Variants in KDM4C observed in about 807,000 individuals in gnomAD.
KDM4C encodes lysine demethylase 4C, also known as lysine-specific demethylase 4C.
In KDM4C, 81 loss-of-function variants were observed where a neutral mutation model predicts 129.3. The observed-to-expected ratio is 0.63, with a 90% CI of 0.52 to 0.75. The LOEUF is 0.75. Ranked by LOEUF, KDM4C falls within the 30% of genes least tolerant of loss-of-function variation. KDM4C has a pLI of 0.00. For missense variants in KDM4C, 1,457 were observed against 1,304.0 expected, an observed-to-expected ratio of 1.12 and a Z score of -1.81; for synonymous variants, 573 against 456.1, an observed-to-expected ratio of 1.26 and a Z score of -3.26.
chr9:6,766,673 C>G (rs1272612604), intron 1 of KDM4C, among the ~76,000 whole-genome samples: 2 of 151,938 alleles, frequency 1.3e-5, no homozygotes, highest in South Asian at 2.1e-4. Flanking sequence ...AGGGCTCTTT[C>G]TAGAAAGTCT....
chr9:6,904,460 C>T lies in KDM4C; in HGVS notation c.921+11228C>T, dbSNP rs1052185146. Among the ~76,000 whole-genome samples, 3 of 147,750 alleles carry T rather than the reference C, an allele frequency of 2.0e-5. No individual in the cohort carries two copies. In the East Asian group the frequency reaches 6.1e-4, roughly 30 times the overall value. On this transcript the variant is annotated intron_variant, in intron 8 of 21. Transcript: ENST00000381309. ...AGAACCACAGTAGTACATAAGAGTT[C>T]ATTGCACAGATCTTGTTAACAAATC...
intron 17 of KDM4C, among the ~76,000 whole-genome samples, chr9:7,073,477 C>G (rs3898793): frequency 0.14 from 21,628 of 152,212 alleles, 1,882 homozygotes; most frequent in East Asian, 0.24. Context: ...TCCCACTAAG[C>G]TATACTCACC....
intron 8 of KDM4C, among the ~76,000 whole-genome samples, chr9:6,899,797 G>A (rs941949930): frequency 2.6e-5 from 4 of 152,128 alleles, no homozygotes; most frequent in Admixed American, 6.5e-5. Flanking sequence ...TCTGGAGCTA[G>A]GGAGCCTGAT....
At chr9:7,008,494 G>C (rs10975969) in intron 12 of KDM4C, among the ~76,000 whole-genome samples, 41 of 152,256 alleles carry the variant, frequency 2.7e-4, no homozygotes, top group Non-Finnish European at 5.4e-4. Context: ...CTGGTCCCCT[G>C]GTCTAGGATG....
At chr9:7,154,763 A>G (rs1214466561) in intron 19 of KDM4C, among the ~76,000 whole-genome samples, 1 of 152,150 alleles carries the variant, frequency 6.6e-6, no homozygotes, top group Non-Finnish European at 1.5e-5. Context: ...TTTAATTTTC[A>G]CATCATCTAT....
intron 8 of KDM4C, among the ~76,000 whole-genome samples, chr9:6,973,583 C>G (rs984013011): frequency 6.6e-6 from 1 of 152,140 alleles, no homozygotes; most frequent in Non-Finnish European, 1.5e-5. Flanking sequence ...TGACATATAG[C>G]ATTTAAAAAT....
intron 21 of KDM4C, chr9:7,170,209 A>C: frequency 8.2e-7 from 1 of 1,212,322 alleles, no homozygotes; most frequent in Non-Finnish European, 1.0e-6. Context: ...GATACCATCA[A>C]GGCATTTGCA....
At chr9:6,852,755 A>T (rs543713166) in intron 5 of KDM4C, among the ~76,000 whole-genome samples, 1 of 152,230 alleles carries the variant, frequency 6.6e-6, no homozygotes, top group South Asian at 2.1e-4. Flanking sequence ...ACCTCCAGGT[A>T]CCAGGCTCTG....
intron 4 of KDM4C, among the ~76,000 whole-genome samples, chr9:6,827,514 T>C (rs1834092211): frequency 6.6e-6 from 1 of 152,204 alleles, no homozygotes; most frequent in African/African-American, 2.4e-5. Flanking sequence ...TCTCCCTCAA[T>C]GGGGTAGCTT....
chr9:7,020,819 A>G (rs1824677624), intron 15 of KDM4C, among the ~76,000 whole-genome samples: 1 of 152,128 alleles, frequency 6.6e-6, no homozygotes, highest in Non-Finnish European at 1.5e-5. Flanking sequence ...CAAACAATCC[A>G]GTTATACTCA....
In KDM4C at chr9:7,076,580, A is replaced by G. The variant is rs534065058; in HGVS notation, c.2425-27105A>G. ...TTTCTCATTCTCCATGGGAGCAGCC[A>G]GCATCGTGTTTAGGATGGGGATACA... On this transcript the variant is annotated intron_variant, in intron 17 of 21. Transcript: ENST00000381309. 47 of 1,503,346 alleles carry G rather than the reference A, an allele frequency of 3.1e-5. No individual in the cohort carries two copies. The East Asian group carries it at 4.0e-4, about 13-fold the overall frequency. The allele number at this position is 1,503,346 out of a possible 1,614,324, so 93.1% of individuals were successfully genotyped here.
Position 6,747,539 on chromosome 9 carries a change from C to CAAAAAAAAAAAAAAAAAAA in KDM4C, c.49+26544_49+26562dup, listed in dbSNP as rs35996555. On this transcript the variant is annotated intron_variant, in intron 1 of 17. Transcript: ENST00000536108. Reference sequence around the variant, plus strand: ...CTCCAACCTGGATGACAGGGCGATTCAAAAAAAAAAAAAAAAAAAAGAATA... The same window carrying CAAAAAAAAAAAAAAAAAAA: ...CTCCAACCTGGATGACAGGGCGATTCAAAAAAAAAAAAAAAAAAAAAAAAAAAAAAAAAAAAAAAGAATA... 2.0e-5 allele frequency among the ~76,000 whole-genome samples: 2 copies of CAAAAAAAAAAAAAAAAAAA among 98,036 alleles called. 1 individual carries two copies. 64.3% of individuals were successfully genotyped at this position (98,036 alleles called of 152,430 possible).
Position 7,157,851 on chromosome 9 carries a change from A to G in KDM4C, c.2782-7387A>G, listed in dbSNP as rs369506930. ...TGTGTCTCTGCCAGGCTTTGGTATC[A>G]GGATGATGCTGGCCTCATAAAATGA... On this transcript the variant is annotated intron_variant, in intron 19 of 21. Coordinates refer to ENST00000381309, the MANE Select transcript of KDM4C (RefSeq NM_015061.6). Among the ~76,000 whole-genome samples the G allele has an allele frequency of 5.4e-4, 83 of 152,306 alleles. 2 individuals carry two copies. The East Asian group carries it at 0.014, about 25-fold the overall frequency.
chr9:6,777,449 T>C (rs1355785714), intron 1 of KDM4C, among the ~76,000 whole-genome samples: 1 of 152,212 alleles, frequency 6.6e-6, no homozygotes, highest in Non-Finnish European at 1.5e-5. Flanking sequence ...TGGGCACATC[T>C]CCGGGGCTGT....
At chr9:6,926,943 T>C (rs951957026) in intron 8 of KDM4C, among the ~76,000 whole-genome samples, 1 of 152,196 alleles carries the variant, frequency 6.6e-6, no homozygotes, top group African/African-American at 2.4e-5. Context: ...TGTATACATG[T>C]TCATTTATCT....
At chr9:7,172,446 C>T (rs1845060250) in intron 21 of KDM4C, among the ~76,000 whole-genome samples, 1 of 152,218 alleles carries the variant, frequency 6.6e-6, no homozygotes, top group Non-Finnish European at 1.5e-5. Flanking sequence ...TGCACAGTGG[C>T]AACACTTTCA....
chr9:6,931,017 T>G (rs181710731), intron 8 of KDM4C, among the ~76,000 whole-genome samples: 1 of 152,192 alleles, frequency 6.6e-6, no homozygotes, highest in Non-Finnish European at 1.5e-5. Context: ...TCTTTGCCTG[T>G]GACTGATGTC....
At chr9:7,096,576 A>T (rs957782132) in intron 17 of KDM4C, among the ~76,000 whole-genome samples, 1 of 152,216 alleles carries the variant, frequency 6.6e-6, no homozygotes, top group African/African-American at 2.4e-5. Flanking sequence ...ACTATGAAAT[A>T]CTACATATTC....
At chr9:6,757,899 G>A (rs975675895), upstream of KDM4C, 4 of 985,474 alleles carry the variant, frequency 4.1e-6, no homozygotes, top group South Asian at 4.7e-5. Context: ...CCTTTAAGCT[G>A]TTTGTAAGCC....
Sources: gnomAD v4.1 joint callset for allele counts (sites outside exome capture counted in the v4.1 genomes callset) on GRCh38, gnomAD v4.1.1 for gene constraint, MANE v1.5 for transcripts, NCBI Gene and HGNC (gene_info 2026-07-23, HGNC 2026-07-21) for gene names.